The following TCF4 variants were observed in gnomAD, a reference collection of about 807,000 sequenced individuals.
The protein encoded by TCF4 is SL3-3 enhancer factor 2.
Under a neutral mutation model 82.1 loss-of-function variants are expected in TCF4, and 3 were observed. That is an observed-to-expected ratio of 0.04 (90% CI 0.02 to 0.09). TCF4 has a LOEUF of 0.09. Among genes scored for constraint, TCF4 ranks in the 10% least tolerant of loss-of-function variants. The pLI is 1.00. For missense variants in TCF4, 518 were observed against 852.7 expected (o/e 0.61, Z 4.89); for synonymous variants, 276 against 309.6 (o/e 0.89, Z 1.14).
chr18:55,359,397 C>G (rs1247539220), intron 6 of TCF4, among the ~76,000 whole-genome samples: 2 of 152,158 alleles, frequency 1.3e-5, no homozygotes, highest in Non-Finnish European at 2.9e-5. Flanking sequence ...ACATTTATAG[C>G]CTTGTATGGA....
At chr18:55,230,728 G>C (rs2047688183) in intron 17 of TCF4, 1 of 152,194 alleles carries the variant, frequency 6.6e-6, no homozygotes, top group Non-Finnish European at 1.5e-5. Context: ...ATGAATGCTG[G>C]TTTAAAATAT....
chr18:55,348,819 T>C lies in TCF4; in HGVS notation c.549+1540A>G, dbSNP rs114136917. 3.7e-3 allele frequency among the ~76,000 whole-genome samples: 557 copies of C among 152,300 alleles called. 4 individuals are homozygous for C. Among genetic ancestry groups the C allele is most frequent in the African/African-American group, 0.013 (541 of 41,588 alleles). On this transcript the variant is annotated intron_variant, in intron 8 of 19. Coordinates refer to ENST00000354452, the MANE Select transcript of TCF4 (RefSeq NM_001083962.2). ...GAGGGTATGATAGCTTTAAGTTTTT[T>C]ATGGCTTTTATAGGACAGTTATTCC...
At chr18:55,255,858 T>C (rs2056673507) in intron 14 of TCF4, among the ~76,000 whole-genome samples, 1 of 152,208 alleles carries the variant, frequency 6.6e-6, no homozygotes, top group South Asian at 2.1e-4. Context: ...TGATTTTGAA[T>C]CGGCTGTGCA....
intron 10 of TCF4, among the ~76,000 whole-genome samples, chr18:55,275,330 T>TA (rs2061298770): frequency 6.8e-6 from 1 of 147,402 alleles, no homozygotes. Context: ...TTCTACAACT[T>TA]AAATAGGTAT....
chr18:55,460,861 C>G (rs376771418), intron 5 of TCF4, among the ~76,000 whole-genome samples, 158 bp downstream of exon 5: 1 of 152,180 alleles, frequency 6.6e-6, no homozygotes, highest in East Asian at 1.9e-4. Flanking sequence ...TTACCAAACA[C>G]AGACTGCCAA....
At chr18:55,296,741 G>T (rs752373658) in intron 8 of TCF4, among the ~76,000 whole-genome samples, 2 of 152,198 alleles carry the variant, frequency 1.3e-5, no homozygotes, top group African/African-American at 2.4e-5. Flanking sequence ...AACCAGGTAA[G>T]AAAATGCTAA....
At chr18:55,599,116 G>A (rs1032660497) in intron 2 of TCF4, among the ~76,000 whole-genome samples, 14 of 152,196 alleles carry the variant, frequency 9.2e-5, no homozygotes, top group African/African-American at 3.4e-4. Context: ...CCTTGGAGCT[G>A]AGTGAAGATT....
chr18:55,604,235 T>TA (rs899785923), intron 2 of TCF4, among the ~76,000 whole-genome samples: 33 of 147,540 alleles, frequency 2.2e-4, no homozygotes, highest in South Asian at 2.2e-4. Flanking sequence ...TGTTTTTTTT[T>TA]AAAAAAAGCC....
chr18:55,591,678 C>T (rs1394481048), upstream of TCF4, among the ~76,000 whole-genome samples: 5 of 152,140 alleles, frequency 3.3e-5, no homozygotes, highest in East Asian at 3.9e-4. Flanking sequence ...TCACCCCACT[C>T]GGCTAATTTT....
intron 15 of TCF4, among the ~76,000 whole-genome samples, chr18:55,247,724 A>G (rs528232713): frequency 6.6e-6 from 1 of 152,306 alleles, no homozygotes; most frequent in African/African-American, 2.4e-5. Flanking sequence ...AGGGAGTCCA[A>G]ACTTTTTTTC....
chr18:55,620,938 A>G (rs558848429), intron 2 of TCF4, among the ~76,000 whole-genome samples: 2 of 152,222 alleles, frequency 1.3e-5, no homozygotes, highest in South Asian at 4.2e-4. Flanking sequence ...AGAAAATTAT[A>G]ATACCACTTT....
intron 6 of TCF4, among the ~76,000 whole-genome samples, chr18:55,366,912 T>C (rs2087328833): frequency 6.6e-6 from 1 of 152,228 alleles, no homozygotes; most frequent in African/African-American, 2.4e-5. Context: ...TCCATACGTA[T>C]ATAAGCATGA....
At chr18:55,551,126 T>A (rs996582842) in intron 3 of TCF4, 1 of 152,154 alleles carries the variant, frequency 6.6e-6, no homozygotes, top group East Asian at 1.9e-4. Flanking sequence ...GTACTTTTAG[T>A]AGAGATGGCA....
chr18:55,473,800 A>C (rs2096235890), intron 3 of TCF4, among the ~76,000 whole-genome samples: 1 of 152,232 alleles, frequency 6.6e-6, no homozygotes, highest in African/African-American at 2.4e-5. Context: ...GCAGGTTGAC[A>C]TAACACAGGA....
chr18:55,259,762 G>A (rs1381426846), intron 13 of TCF4, 187 bp downstream of exon 13: 1 of 588,824 alleles, frequency 1.7e-6, no homozygotes, highest in Non-Finnish European at 3.0e-6. Flanking sequence ...GAAAAGGTTT[G>A]GATGTAAACG....
chr18:55,388,472 C>G (rs1023474134), intron 6 of TCF4, among the ~76,000 whole-genome samples: 2 of 152,198 alleles, frequency 1.3e-5, no homozygotes, highest in African/African-American at 4.8e-5. Context: ...TCTTTTTTGT[C>G]TATGTAAAGA....
chr18:55,465,372 T>C (rs1437133663), intron 3 of TCF4, among the ~76,000 whole-genome samples: 6 of 152,276 alleles, frequency 3.9e-5, no homozygotes, highest in Middle Eastern at 3.4e-3. Context: ...TCTTAAGAGA[T>C]AGAAAAGCAA....
chr18:55,362,369 G>GGAAA lies in TCF4; in HGVS notation c.370-11367_370-11366insTTTC, dbSNP rs1555942657. On this transcript the variant is annotated intron_variant, in intron 6 of 19. Coordinates refer to ENST00000354452, the MANE Select transcript of TCF4 (RefSeq NM_001083962.2). ...AGGAAGGAAGGAAGGAAGGAAGGAA[G>GGAAA]GAAGGAAGGAAGGAAGGAAGGAAAG... Among the ~76,000 whole-genome samples the GGAAA allele has an allele frequency of 7.0e-3, 645 of 91,718 alleles. 8 individuals are homozygous for GGAAA. The highest frequency in any genetic ancestry group is 0.027 in the Middle Eastern group (4 of 146). The allele number at this position is 91,718 out of a possible 152,430, so 60.2% of individuals were successfully genotyped here. A position where few individuals can be genotyped will look rare whatever the true frequency, so the allele number is the denominator to read the frequency against.
intron 5 of TCF4, among the ~76,000 whole-genome samples, chr18:55,455,084 G>A (rs1403821137): frequency 6.6e-6 from 1 of 150,838 alleles, no homozygotes; most frequent in African/African-American, 2.5e-5. Context: ...CTGCTCAGCA[G>A]GCTAAGGTGG....
Sources: allele counts gnomAD v4.1 joint callset (sites outside exome capture counted in the v4.1 genomes callset), GRCh38; gene constraint gnomAD v4.1.1; transcripts MANE v1.5; gene names NCBI Gene and HGNC (gene_info 2026-07-23, HGNC 2026-07-21).